QTRT2: variants seen among roughly 807,000 people sequenced by gnomAD.
QTRT2 encodes the protein queuine tRNA-ribosyltransferase domain containing 1.
QTRT2 carries 32 observed loss-of-function variants against 44.8 expected under a neutral mutation model. The observed-to-expected ratio is 0.71, with a 90% CI of 0.54 to 0.96. QTRT2 has a LOEUF of 0.96. QTRT2 is among the 40% of genes least tolerant of loss of function. QTRT2 has a pLI of 0.00. For synonymous variants in QTRT2, 182 were observed against 187.4 expected (o/e 0.97, Z 0.24); for missense variants, 461 against 503.1 (o/e 0.92, Z 0.80).
chr3:114,064,019 A>G (rs2076920688), intron 2 of QTRT2, among the ~76,000 whole-genome samples: 1 of 152,144 alleles, frequency 6.6e-6, no homozygotes, highest in Non-Finnish European at 1.5e-5. Context: ...GTTCGAGACC[A>G]GCCTGGCCAA....
intron 2 of QTRT2, among the ~76,000 whole-genome samples, chr3:114,064,277 A>T (rs2076924879): frequency 6.6e-6 from 1 of 152,166 alleles, no homozygotes; most frequent in South Asian, 2.1e-4. Context: ...CTCATTTGTC[A>T]ACTAATAAAA....
At chr3:114,074,439 T>C (rs2077062865) in intron 6 of QTRT2, among the ~76,000 whole-genome samples, 3 of 152,238 alleles carry the variant, frequency 2.0e-5, no homozygotes, top group Admixed American at 2.0e-4. Flanking sequence ...TACTTCCTGA[T>C]AGGTTTCAAG....
chr3:114,070,024 G>C (rs1170011750), intron 5 of QTRT2, among the ~76,000 whole-genome samples: 2 of 152,170 alleles, frequency 1.3e-5, no homozygotes, highest in African/African-American at 4.8e-5. Flanking sequence ...ACAAATTGAT[G>C]TAAGAGCATA....
intron 6 of QTRT2, among the ~76,000 whole-genome samples, chr3:114,072,156 TC>T (rs2077032816): frequency 6.6e-6 from 1 of 152,286 alleles, no homozygotes; most frequent in Admixed American, 6.5e-5. Context: ...ATTTTTTTTT[TC>T]TTTTCTTTTG....
At chr3:114,074,227 A>G (rs1345514140) in intron 6 of QTRT2, among the ~76,000 whole-genome samples, 1 of 152,200 alleles carries the variant, frequency 6.6e-6, no homozygotes, top group Non-Finnish European at 1.5e-5. Flanking sequence ...TAAGATTGCC[A>G]TTTGGACATC....
intron 1 of QTRT2, 43 bp downstream of exon 1, chr3:114,056,907 T>G: frequency 6.5e-7 from 1 of 1,532,870 alleles, no homozygotes; most frequent in South Asian, 1.2e-5. Context: ...CTGCTAGAGA[T>G]GGATGAGTCA....
intron 7 of QTRT2, chr3:114,078,849 T>TGTA (rs2077126931): frequency 2.0e-5 from 3 of 152,348 alleles, no homozygotes; most frequent in South Asian, 2.1e-4. Flanking sequence ...TTAAGGATGC[T>TGTA]CAACCTGTAC....
chr3:114,066,859 A>T (rs1051245289), intron 4 of QTRT2, among the ~76,000 whole-genome samples: 1 of 152,180 alleles, frequency 6.6e-6, no homozygotes, highest in Non-Finnish European at 1.5e-5. Context: ...TTGAACCTCA[A>T]ACATGCAGGG....
In QTRT2 at chr3:114,087,097, C is replaced by A. The variant is rs2077246099; in HGVS notation, c.*1193C>A. On this transcript the variant is annotated 3_prime_UTR_variant, in exon 10 of 10. Coordinates refer to ENST00000281273, the MANE Select transcript of QTRT2 (RefSeq NM_024638.4). The stretch of plus-strand genomic sequence containing the variant: ...GTTACCTCTGTATTTTTCAAGTTTT[C>A]TATAAGGAATACACATACACCCACA... 2 of 152,076 alleles carry A rather than the reference C, an allele frequency of 1.3e-5. No homozygotes were observed. The allele number at this position is 152,076 out of a possible 1,614,324, so 9.4% of individuals were successfully genotyped here.
intron 6 of QTRT2, among the ~76,000 whole-genome samples, chr3:114,074,724 C>T (rs2077066570): frequency 1.3e-5 from 2 of 152,142 alleles, no homozygotes; most frequent in Non-Finnish European, 1.5e-5. Flanking sequence ...TGTGTATTTT[C>T]TTGCAAAACT....
chr3:114,081,490 C>T (rs908450674), intron 8 of QTRT2, among the ~76,000 whole-genome samples: 1 of 152,100 alleles, frequency 6.6e-6, no homozygotes, highest in African/African-American at 2.4e-5. Context: ...ATAAGAAAAC[C>T]TTTGAACTGC....
chr3:114,064,208 C>T (rs750261852), intron 2 of QTRT2, among the ~76,000 whole-genome samples: 13 of 151,860 alleles, frequency 8.6e-5, no homozygotes, highest in Admixed American at 3.9e-4. Flanking sequence ...GAGCGAGATT[C>T]TGTGTCCAAA....
At chr3:114,068,739 T>C (rs1302546537) in intron 5 of QTRT2, among the ~76,000 whole-genome samples, 2 of 152,206 alleles carry the variant, frequency 1.3e-5, no homozygotes, top group Non-Finnish European at 2.9e-5. Context: ...ATTTATTTTG[T>C]AGTTTGAATT....
At chr3:114,074,086 T>G (rs938662242) in intron 6 of QTRT2, among the ~76,000 whole-genome samples, 1 of 152,214 alleles carries the variant, frequency 6.6e-6, no homozygotes, top group African/African-American at 2.4e-5. Flanking sequence ...CATCTGTTAG[T>G]CACATCTGCT....
intron 5 of QTRT2, chr3:114,068,330 A>G (rs562801552): frequency 5.4e-5 from 19 of 352,900 alleles, no homozygotes; most frequent in Non-Finnish European, 9.7e-5. Flanking sequence ...CATGCCAAAA[A>G]AAGAAATTGC....
chr3:114,074,421 G>GT (rs1325060895), intron 6 of QTRT2, among the ~76,000 whole-genome samples: 1 of 152,190 alleles, frequency 6.6e-6, no homozygotes, highest in Non-Finnish European at 1.5e-5. Flanking sequence ...GTCAAGTTAT[G>GT]TTGATCCTAC....
At chr3:114,060,744 A>G (rs1293031017) in intron 2 of QTRT2, among the ~76,000 whole-genome samples, 4 of 152,172 alleles carry the variant, frequency 2.6e-5, no homozygotes, top group Non-Finnish European at 5.9e-5. Context: ...ACCTTTTCTC[A>G]TAAGGGATCA....
intron 2 of QTRT2, among the ~76,000 whole-genome samples, chr3:114,064,323 T>G (rs2076925594): frequency 6.6e-6 from 1 of 152,156 alleles, no homozygotes; most frequent in East Asian, 1.9e-4. Context: ...TTCCAGAAGA[T>G]ATGGTACTTG....
Position 114,076,949 on chromosome 3 carries a change from G to A in QTRT2, c.746+7G>A. On this transcript the variant is annotated splice_region_variant and intron_variant, in intron 7 of 9. Transcript: ENST00000281273. The stretch of plus-strand genomic sequence containing the variant: ...TGCCGGAGGACAAGCCAAGGCCAGT[G>A]TTCGGTTAGGACACAGGCTGGCCTC... 1 of 1,613,734 alleles carries A rather than the reference G, an allele frequency of 6.2e-7. No individual in the cohort carries two copies. Among genetic ancestry groups the A allele is most frequent in the African/African-American group, 1.3e-5 (1 of 75,042 alleles).
Sources: allele counts gnomAD v4.1 joint callset (sites outside exome capture counted in the v4.1 genomes callset), GRCh38; gene constraint gnomAD v4.1.1; transcripts MANE v1.5; gene names NCBI Gene and HGNC (gene_info 2026-07-23, HGNC 2026-07-21).